The following CBFA2T2 variants were observed in gnomAD, a reference collection of about 807,000 sequenced individuals.
CBFA2T2 encodes the protein CBFA2/RUNX1 partner transcriptional co-repressor 2.
CBFA2T2 carries 11 observed loss-of-function variants against 62.2 expected under a neutral mutation model. The ratio of observed to expected loss-of-function variants is 0.18; its 90% CI spans 0.11 to 0.29. The LOEUF is 0.29. CBFA2T2 is among the 10% of genes least tolerant of loss of function. The pLI is 1.00. For synonymous variants in CBFA2T2, 295 were observed against 287.5 expected, an observed-to-expected ratio of 1.03 and a Z score of -0.27; for missense variants, 592 against 774.1, an observed-to-expected ratio of 0.76 and a Z score of 2.79.
At position 33,640,334 on chromosome 20, in the gene CBFA2T2, C is replaced by T. The variant is rs1321745230; in HGVS notation, c.1298-7C>T. 3 of 1,609,376 alleles carry T rather than the reference C, an allele frequency of 1.9e-6. No homozygotes were observed. The highest frequency in any genetic ancestry group is 3.4e-5 in the Admixed American group (2 of 59,512). ...GGCCAGTTGATTTTACTGTCACTTT[C>T]TTCTAGAAGAAGCTGTGAATAAGGT... is the stretch of plus-strand genomic sequence containing the variant. On this transcript the variant is annotated splice_region_variant and splice_polypyrimidine_tract_variant and intron_variant, in intron 9 of 10. Transcript: ENST00000342704.
chr20:33,581,717 G>C (rs558859221), intron 1 of CBFA2T2, among the ~76,000 whole-genome samples: 1 of 152,300 alleles, frequency 6.6e-6, no homozygotes, highest in South Asian at 2.1e-4. Context: ...TAGTTCTTGT[G>C]AGAGATTCTA....
At position 33,629,893 on chromosome 20, in the gene CBFA2T2, A is replaced by G; in HGVS notation, c.1207A>G (p.Ser403Gly). 6.2e-7 allele frequency: 1 copy of G among 1,613,030 alleles called. No individual in the cohort carries two copies. The change falls in exon 8 of 11, where the codon AGT (serine) becomes GGT (glycine). Residue 403 changes from serine (S) to glycine (G), a missense_variant. Coordinates refer to ENST00000342704, the MANE Select transcript of CBFA2T2 (RefSeq NM_001032999.3). ...ELVSRQHSPG[S>G]ADSLSNDSQR... The stretch of plus-strand genomic sequence containing the variant: ...GGTCTCCAGGCAGCACAGCCCTGGG[A>G]GTGCAGATTCTCTCAGCAATGGTAA...
At chr20:33,538,384 T>G (rs2012323458) in intron 1 of CBFA2T2, among the ~76,000 whole-genome samples, 2 of 152,236 alleles carry the variant, frequency 1.3e-5, no homozygotes, top group Admixed American at 1.3e-4. Context: ...TTTTCCTTTT[T>G]TTTTTGAGAT....
intron 1 of CBFA2T2, among the ~76,000 whole-genome samples, chr20:33,538,018 C>T (rs187101361): frequency 1.4e-5 from 2 of 147,518 alleles, no homozygotes; most frequent in African/African-American, 2.5e-5. Context: ...AAAAAAAGCA[C>T]GTTGGGATTT....
chr20:33,630,848 A>G (rs1449817298), intron 8 of CBFA2T2, among the ~76,000 whole-genome samples: 1 of 152,212 alleles, frequency 6.6e-6, no homozygotes, highest in Non-Finnish European at 1.5e-5. Context: ...AGGCAAAGCC[A>G]GAATTAATAC....
chr20:33,607,310 A>C (rs953751122), intron 2 of CBFA2T2, among the ~76,000 whole-genome samples: 4 of 152,174 alleles, frequency 2.6e-5, no homozygotes, highest in African/African-American at 9.7e-5. Flanking sequence ...TTAGTTGTTT[A>C]AATATTTTGT....
At chr20:33,548,409 A>T (rs186415265) in intron 1 of CBFA2T2, among the ~76,000 whole-genome samples, 1 of 151,450 alleles carries the variant, frequency 6.6e-6, no homozygotes, top group Non-Finnish European at 1.5e-5. Flanking sequence ...GCACCTGGCT[A>T]ATTTTTGTAA....
chr20:33,502,819 G>A (rs1364753383), intron 1 of CBFA2T2, among the ~76,000 whole-genome samples: 3 of 150,130 alleles, frequency 2.0e-5, no homozygotes, highest in East Asian at 4.0e-4. Flanking sequence ...GGCCGGGCGC[G>A]GTGGCTCACG....
chr20:33,503,639 T>C (rs1174564239), intron 1 of CBFA2T2, among the ~76,000 whole-genome samples: 2 of 152,186 alleles, frequency 1.3e-5, no homozygotes, highest in Non-Finnish European at 2.9e-5. Context: ...TATTTATTTA[T>C]CTTTTTTTCT....
At chr20:33,563,280 T>C (rs1472635967) in intron 1 of CBFA2T2, among the ~76,000 whole-genome samples, 1 of 152,174 alleles carries the variant, frequency 6.6e-6, no homozygotes, top group Non-Finnish European at 1.5e-5. Context: ...TTTGGGGTAG[T>C]TTTGTGATGC....
chr20:33,538,517 G>A (rs1179131786), intron 1 of CBFA2T2, among the ~76,000 whole-genome samples: 2 of 152,002 alleles, frequency 1.3e-5, no homozygotes, highest in African/African-American at 2.4e-5. Context: ...GATTGCAGTT[G>A]CCTGCCACCA....
intron 1 of CBFA2T2, chr20:33,574,118 A>G: frequency 6.4e-7 from 1 of 1,570,014 alleles, no homozygotes; most frequent in Non-Finnish European, 8.7e-7. Context: ...AAGATTGAGG[A>G]TGGTAGTTTT....
At chr20:33,590,498 A>G (rs150777500) in intron 1 of CBFA2T2, among the ~76,000 whole-genome samples, 62 of 152,220 alleles carry the variant, frequency 4.1e-4, no homozygotes, top group African/African-American at 1.2e-3. Flanking sequence ...ATTGGGCACA[A>G]TAAGATTGTT....
chr20:33,557,541 C>G (rs1202035102), intron 1 of CBFA2T2, among the ~76,000 whole-genome samples: 2 of 152,162 alleles, frequency 1.3e-5, no homozygotes. Flanking sequence ...GGGTCTCACT[C>G]TGTCACCCAG....
At chr20:33,543,428 A>G (rs1023091362) in intron 1 of CBFA2T2, among the ~76,000 whole-genome samples, 4 of 152,258 alleles carry the variant, frequency 2.6e-5, no homozygotes, top group Non-Finnish European at 5.9e-5. Context: ...CACGTAAAAT[A>G]GTTAACATTC....
chr20:33,553,888 C>T (rs1278034100), intron 1 of CBFA2T2, among the ~76,000 whole-genome samples: 2 of 152,094 alleles, frequency 1.3e-5, no homozygotes, highest in Non-Finnish European at 2.9e-5. Flanking sequence ...ATGTAAAATA[C>T]AATCTTAAAT....
In CBFA2T2 at chr20:33,621,287, C is replaced by CTTTTTTTTTTTTTTTTTTTTTTTTTTT. The variant is rs199805350; in HGVS notation, c.510+1707_510+1708insTTTTTTTTTTTTTTTTTTTTTTTTTTT. Among the ~76,000 whole-genome samples the CTTTTTTTTTTTTTTTTTTTTTTTTTTT allele has an allele frequency of 9.6e-4, 82 of 85,292 alleles. 7 individuals are homozygous for CTTTTTTTTTTTTTTTTTTTTTTTTTTT. Among genetic ancestry groups the CTTTTTTTTTTTTTTTTTTTTTTTTTTT allele is most frequent in the Middle Eastern group, 6.9e-3 (1 of 144 alleles). 56.0% of individuals were successfully genotyped at this position (85,292 alleles called of 152,430 possible). On this transcript the variant is annotated intron_variant, in intron 4 of 10. Coordinates refer to ENST00000342704, the MANE Select transcript of CBFA2T2 (RefSeq NM_001032999.3). ...TCTATAATACCTTTAATTTTACTGCCTTTTTTTTTTTTTTTTTTTTTTTTT... is the reference window on the plus strand; with the variant it reads ...TCTATAATACCTTTAATTTTACTGCCTTTTTTTTTTTTTTTTTTTTTTTTTTTTTTTTTTTTTTTTTTTTTTTTTTTT...
intron 1 of CBFA2T2, among the ~76,000 whole-genome samples, chr20:33,514,302 C>T (rs1490877340): frequency 6.7e-6 from 1 of 149,734 alleles, no homozygotes; most frequent in Non-Finnish European, 1.5e-5. Flanking sequence ...ACAACCTCCA[C>T]CTCTTGGGTT....
At chr20:33,517,212 A>G (rs1423059022) in intron 1 of CBFA2T2, among the ~76,000 whole-genome samples, 2 of 152,198 alleles carry the variant, frequency 1.3e-5, no homozygotes, top group African/African-American at 4.8e-5. Context: ...GGAAAAAGGA[A>G]TTAATGAACC....
Sources: gnomAD v4.1 joint callset for allele counts (sites outside exome capture counted in the v4.1 genomes callset) on GRCh38, gnomAD v4.1.1 for gene constraint, MANE v1.5 for transcripts, NCBI Gene and HGNC (gene_info 2026-07-23, HGNC 2026-07-21) for gene names.